The following KIAA0753 variants were observed in gnomAD, a reference collection of about 807,000 sequenced individuals.
The protein encoded by KIAA0753 is protein moonraker.
KIAA0753 carries 114 observed loss-of-function variants against 116.9 expected under a neutral mutation model. That is an observed-to-expected ratio of 0.98 (90% CI 0.84 to 1.14). The LOEUF (loss-of-function observed/expected upper bound fraction) is 1.14, where lower values mean the gene tolerates loss of function less well. Ranked by LOEUF, KIAA0753 falls within the 50% of genes most tolerant of loss-of-function variation. The probability of loss-of-function intolerance (pLI) is 0.00; values close to 1 mark genes in which losing one functional copy is unlikely to be tolerated. For synonymous variants in KIAA0753, 405 were observed against 413.1 expected, an observed-to-expected ratio of 0.98 and a Z score of 0.24; for missense variants, 1,156 against 1,172.4, an observed-to-expected ratio of 0.99 and a Z score of 0.20.
chr17:6,621,492 C>T (rs944645240), intron 6 of KIAA0753, among the ~76,000 whole-genome samples: 1 of 152,166 alleles, frequency 6.6e-6, no homozygotes, highest in African/African-American at 2.4e-5. Context: ...TAATAAGTTC[C>T]CACCCATCCA....
At chr17:6,624,536 C>CCACACACACACA (rs55849399) in intron 4 of KIAA0753, among the ~76,000 whole-genome samples, 3,527 of 143,946 alleles carry the variant, frequency 0.025, 61 homozygotes, top group Non-Finnish European at 0.032. Flanking sequence ...GAGTTTGGCG[C>CCACACACACACA]CACACACACA....
chr17:6,615,747 A>G (rs1970879833), intron 7 of KIAA0753, among the ~76,000 whole-genome samples: 1 of 152,134 alleles, frequency 6.6e-6, no homozygotes, highest in Non-Finnish European at 1.5e-5. Flanking sequence ...TGCATAAAAC[A>G]GCATGTTTCA....
intron 18 of KIAA0753, among the ~76,000 whole-genome samples, chr17:6,584,960 C>T (rs562869838): frequency 6.6e-6 from 1 of 152,034 alleles, no homozygotes; most frequent in Admixed American, 6.6e-5. Flanking sequence ...TACCACCATG[C>T]CCAGCTAATT....
rs1253258353 is a variant in KIAA0753, at chr17:6,579,727, G to A, written c.*20C>T. ...ATCCCTTCTCCAGTGTGACACAAATGGCCTCGCCTCAGAGAGCCTTTATGT... is the reference window on the plus strand; with the variant it reads ...ATCCCTTCTCCAGTGTGACACAAATAGCCTCGCCTCAGAGAGCCTTTATGT... On this transcript the variant is annotated 3_prime_UTR_variant, in exon 19 of 19. Transcript: ENST00000361413. 1.9e-6 allele frequency: 3 copies of A among 1,549,046 alleles called. No individual in the cohort carries two copies. The highest frequency in any genetic ancestry group is 2.7e-6 in the Non-Finnish European group (3 of 1,122,166).
chr17:6,637,743 T>C, intron 1 of KIAA0753: 1 of 152,442 alleles, frequency 6.6e-6, no homozygotes, highest in African/African-American at 2.4e-5. Flanking sequence ...CATCTGCAGG[T>C]CCGCCCACTG....
At chr17:6,629,997 C>G (rs1365691400) in intron 2 of KIAA0753, among the ~76,000 whole-genome samples, 1 of 152,104 alleles carries the variant, frequency 6.6e-6, no homozygotes, top group Non-Finnish European at 1.5e-5. Context: ...TGGCACATGC[C>G]TGTAATCCCA....
intron 16 of KIAA0753, among the ~76,000 whole-genome samples, chr17:6,593,912 G>T (rs1349530458): frequency 1.3e-5 from 2 of 152,122 alleles, no homozygotes; most frequent in East Asian, 3.9e-4. Context: ...ACTTGAAAAG[G>T]TTCTAAATAT....
chr17:6,596,171 A>G lies in KIAA0753; in HGVS notation c.2345T>C (p.Met782Thr). The G allele has an allele frequency of 6.2e-7, 1 of 1,613,728 alleles. No individual in the cohort carries two copies. The highest frequency in any genetic ancestry group is 8.5e-7 in the Non-Finnish European group (1 of 1,179,704). ...CCCAGACCTTACTTCCATCTCTTCC[A>G]TTCGGCGCATCATGATCTCCAGATC... ...SPDLEIMMRRMEEMEKYQESV... is the reference protein window; with the variant it reads ...SPDLEIMMRRTEEMEKYQESV... The change falls in exon 15 of 19, where the codon ATG becomes ACG. Residue 782 changes from methionine to threonine, a missense_variant. Transcript: ENST00000361413.
intron 18 of KIAA0753, among the ~76,000 whole-genome samples, chr17:6,586,423 G>T (rs984386522): frequency 3.3e-5 from 5 of 152,136 alleles, no homozygotes; most frequent in African/African-American, 1.2e-4. Flanking sequence ...GATAAACTTG[G>T]TTCTTGCCTT....
intron 12 of KIAA0753, among the ~76,000 whole-genome samples, chr17:6,604,247 CT>C (rs34562582): frequency 3.5e-4 from 52 of 148,060 alleles, no homozygotes; most frequent in Non-Finnish European, 2.7e-4. Flanking sequence ...CTCAGATGTT[CT>C]TTTTTTTTTT....
intron 7 of KIAA0753, among the ~76,000 whole-genome samples, chr17:6,614,039 A>C (rs891194697): frequency 1.3e-5 from 2 of 152,250 alleles, no homozygotes; most frequent in African/African-American, 4.8e-5. Flanking sequence ...AAATAGACAA[A>C]GAACAGAAAC....
chr17:6,623,489 A>G lies in KIAA0753; in HGVS notation c.888+20T>C, dbSNP rs780213771. ...TGTCATTTATAAGCAAGTATTGATCATAATTTAATTGCAGCATACCTTCTT... is the reference window on the plus strand; with the variant it reads ...TGTCATTTATAAGCAAGTATTGATCGTAATTTAATTGCAGCATACCTTCTT... On this transcript the variant is annotated intron_variant, in intron 5 of 18. Coordinates refer to ENST00000361413, the MANE Select transcript of KIAA0753 (RefSeq NM_014804.3). 2.6e-6 allele frequency: 4 copies of G among 1,560,370 alleles called. No homozygotes were observed. The highest frequency in any genetic ancestry group is 3.5e-6 in the Non-Finnish European group (4 of 1,135,426).
At chr17:6,613,461 A>C (rs1567566667) in intron 7 of KIAA0753, among the ~76,000 whole-genome samples, 1 of 152,218 alleles carries the variant, frequency 6.6e-6, no homozygotes, top group Non-Finnish European at 1.5e-5. Flanking sequence ...AGCCCAAATA[A>C]TTTTGAAGAA....
At chr17:6,583,548 T>G (rs1968351200) in intron 18 of KIAA0753, among the ~76,000 whole-genome samples, 1 of 152,214 alleles carries the variant, frequency 6.6e-6, no homozygotes, top group East Asian at 1.9e-4. Flanking sequence ...TCTTTTTTTG[T>G]GTGTCTCCGG....
chr17:6,629,944 C>T (rs1407178890), intron 2 of KIAA0753, among the ~76,000 whole-genome samples: 1 of 152,082 alleles, frequency 6.6e-6, no homozygotes, highest in Admixed American at 6.5e-5. Flanking sequence ...CATGGCAAAA[C>T]CCCATCTCTA....
intron 15 of KIAA0753, 81 bp downstream of exon 15, chr17:6,596,077 G>A: frequency 1.5e-6 from 2 of 1,334,468 alleles, no homozygotes; most frequent in East Asian, 4.6e-5. Flanking sequence ...AACAGATGAG[G>A]CTGCAGAGGC....
At chr17:6,621,046 A>G in intron 6 of KIAA0753, 48 bp from the exon 7 acceptor site, 1 of 1,561,208 alleles carries the variant, frequency 6.4e-7, no homozygotes, top group Non-Finnish European at 8.7e-7. Flanking sequence ...TCGCAAAAGT[A>G]TGACTTTTAA....
chr17:6,636,140 A>T (rs1017680172), intron 1 of KIAA0753: 6 of 152,226 alleles, frequency 3.9e-5, no homozygotes, highest in Non-Finnish European at 7.3e-5. Flanking sequence ...AAAAAACCCT[A>T]ATTTAAGCTT....
At chr17:6,605,054 C>T (rs1240015473) in intron 12 of KIAA0753, among the ~76,000 whole-genome samples, 3 of 148,572 alleles carry the variant, frequency 2.0e-5, no homozygotes, top group Non-Finnish European at 3.0e-5. Flanking sequence ...CCAAGACCAG[C>T]CTGGGCAACA....
Sources: gnomAD v4.1 joint callset for allele counts (sites outside exome capture counted in the v4.1 genomes callset) on GRCh38, gnomAD v4.1.1 for gene constraint, MANE v1.5 for transcripts, NCBI Gene and HGNC (gene_info 2026-07-23, HGNC 2026-07-21) for gene names.